CNGB3: variants seen among roughly 807,000 people sequenced by gnomAD.
CNGB3 encodes cyclic nucleotide-gated channel beta-3.
Under a neutral mutation model 92.8 loss-of-function variants are expected in CNGB3, and 86 were observed. The observed-to-expected ratio is 0.93, with a 90% confidence interval of 0.78 to 1.11. CNGB3 has a LOEUF of 1.11. Among genes scored for constraint, CNGB3 ranks in the 50% least tolerant of loss-of-function variants. CNGB3 has a pLI of 0.00. For missense variants in CNGB3, 1,026 were observed against 956.8 expected (o/e 1.07, Z -0.95); for synonymous variants, 333 against 332.7 (o/e 1.00, Z -0.01).
rs187007627 is a variant in CNGB3, at chr8:86,716,473, A to G, written c.338+10058T>C. On this transcript the variant is annotated intron_variant, in intron 3 of 17. Transcript: ENST00000320005. ...AAATCTTAAGAGCTCTGAGGCAAAA[A>G]CATCAAGTAACTTATAAAGGAAAAC... Among the ~76,000 whole-genome samples, 4 of 152,310 alleles carry G rather than the reference A, an allele frequency of 2.6e-5. No individual in the cohort carries two copies. In the East Asian group the frequency reaches 7.7e-4, roughly 29 times the overall value.
chr8:86,658,552 C>T, intron 6 of CNGB3: 1 of 343,640 alleles, frequency 2.9e-6, no homozygotes, highest in Non-Finnish European at 5.5e-6. Context: ...TTGTGGAGCT[C>T]CTTCTCATAG....
intron 14 of CNGB3, among the ~76,000 whole-genome samples, chr8:86,608,910 T>C (rs1822465073): frequency 6.6e-6 from 1 of 152,160 alleles, no homozygotes; most frequent in African/African-American, 2.4e-5. Context: ...TCTCCGCGCA[T>C]TGGTGGTAGT....
intron 3 of CNGB3, among the ~76,000 whole-genome samples, chr8:86,686,035 C>T (rs1476308444): frequency 6.6e-6 from 1 of 151,994 alleles, no homozygotes; most frequent in African/African-American, 2.4e-5. Flanking sequence ...TGGGAAAACA[C>T]TTTGAATCTT....
rs942480886 is a variant in CNGB3, at chr8:86,574,355, C to T, written c.*1449G>A. 2 of 152,160 alleles carry T rather than the reference C, an allele frequency of 1.3e-5. No individual in the cohort carries two copies. Among genetic ancestry groups the T allele is most frequent in the African/African-American group, 4.8e-5 (2 of 41,426 alleles). 9.4% of individuals were successfully genotyped at this position (152,160 alleles called of 1,614,324 possible). A position where few individuals can be genotyped will look rare whatever the true frequency, so the allele number is the denominator to read the frequency against. On this transcript the variant is annotated 3_prime_UTR_variant, in exon 18 of 18. Coordinates refer to ENST00000320005, the MANE Select transcript of CNGB3 (RefSeq NM_019098.5). ...TCACCCTTTTTATACGCAATTCACT[C>T]TTTCTGCATACAAACTCCCATTTAT...
intron 3 of CNGB3, among the ~76,000 whole-genome samples, chr8:86,700,794 C>T (rs988654781): frequency 5.3e-5 from 8 of 152,072 alleles, no homozygotes; most frequent in South Asian, 2.1e-4. Context: ...TGTGCCACCA[C>T]GCTGGCTAAT....
intron 13 of CNGB3, among the ~76,000 whole-genome samples, chr8:86,623,213 C>T (rs190512694): frequency 1.3e-4 from 20 of 152,220 alleles, no homozygotes; most frequent in Admixed American, 2.6e-4. Flanking sequence ...CCAGCTTGGA[C>T]GTCTCCCCCG....
At chr8:86,591,996 C>T (rs1023493808) in intron 15 of CNGB3, among the ~76,000 whole-genome samples, 62 of 152,338 alleles carry the variant, frequency 4.1e-4, no homozygotes, top group African/African-American at 1.3e-3. Context: ...AGCGAGACTC[C>T]GTGGGCGTAG....
intron 1 of CNGB3, among the ~76,000 whole-genome samples, chr8:86,741,438 C>T (rs987309001): frequency 7.9e-5 from 12 of 152,022 alleles, no homozygotes; most frequent in African/African-American, 2.7e-4. Context: ...ACAAGGTGGG[C>T]GGAACACCTG....
chr8:86,658,630 G>A (rs3779798), intron 6 of CNGB3: 20,245 of 342,618 alleles, frequency 0.059, 707 homozygotes, highest in South Asian at 0.088. Flanking sequence ...TACTGCTGTA[G>A]ACTCTGAGCC....
intron 13 of CNGB3, among the ~76,000 whole-genome samples, chr8:86,621,103 A>G (rs1308310510): frequency 6.6e-6 from 1 of 152,214 alleles, no homozygotes; most frequent in African/African-American, 2.4e-5. Flanking sequence ...AAGCAAAAAA[A>G]CTATGAGGCA....
At chr8:86,619,810 T>A (rs944440571) in intron 13 of CNGB3, among the ~76,000 whole-genome samples, 1 of 140,832 alleles carries the variant, frequency 7.1e-6, no homozygotes, top group Non-Finnish European at 1.5e-5. Context: ...CATGGCTCAC[T>A]GCAGCCTCAA....
Position 86,575,868 on chromosome 8 carries a change from G to A in CNGB3, c.2366C>T (p.Ala789Val). The A allele has an allele frequency of 6.2e-7, 1 of 1,613,288 alleles. No homozygotes were observed. Among genetic ancestry groups the A allele is most frequent in the Non-Finnish European group, 8.5e-7 (1 of 1,179,798 alleles). ...CTCTTCTCCGCCCTCAGCAGAAGGA[G>A]CCATGCTGATAATGAGTGATTGACG... ...TSRQSLIISMAPSAEGGEEVL... is the reference protein window; with the variant it reads ...TSRQSLIISMVPSAEGGEEVL... The change falls in exon 18 of 18, where the codon GCT becomes GTT. Residue 789 changes from alanine (A) to valine (V), a missense_variant. Physicochemically the swap from Ala to Val is moderately conservative, Grantham distance 64. Coordinates refer to ENST00000320005, the MANE Select transcript of CNGB3 (RefSeq NM_019098.5).
chr8:86,661,613 A>G (rs776657919), intron 6 of CNGB3: 129 of 804,390 alleles, frequency 1.6e-4, no homozygotes, highest in Non-Finnish European at 2.7e-4. Context: ...TTTCCCACTA[A>G]TAAGTTCTTC....
intron 3 of CNGB3, among the ~76,000 whole-genome samples, chr8:86,695,352 AT>A (rs1378091368): frequency 5.4e-5 from 5 of 92,122 alleles, no homozygotes; most frequent in Non-Finnish European, 8.1e-5. Context: ...GCCTTTGTTC[AT>A]TTTTTAAAAA....
chr8:86,732,636 G>C (rs1037894206), intron 2 of CNGB3, among the ~76,000 whole-genome samples: 1 of 152,178 alleles, frequency 6.6e-6, no homozygotes, highest in Non-Finnish European at 1.5e-5. Context: ...AAGGTGTCCT[G>C]ATTATGTCTC....
intron 17 of CNGB3, among the ~76,000 whole-genome samples, chr8:86,577,906 T>TTTGA (rs1314875536): frequency 6.6e-6 from 1 of 151,844 alleles, no homozygotes; most frequent in Non-Finnish European, 1.5e-5. Flanking sequence ...TGTTGTTGTT[T>TTTGA]TTGTTTGTTT....
chr8:86,616,398 A>C (rs1822623717), intron 13 of CNGB3, among the ~76,000 whole-genome samples: 2 of 152,186 alleles, frequency 1.3e-5, no homozygotes, highest in African/African-American at 4.8e-5. Context: ...TAGTGAAATA[A>C]AGTTTGCATT....
At chr8:86,698,632 T>C (rs189813155) in intron 3 of CNGB3, among the ~76,000 whole-genome samples, 1 of 152,352 alleles carries the variant, frequency 6.6e-6, no homozygotes, top group Non-Finnish European at 1.5e-5. Flanking sequence ...TGTGTTAAGA[T>C]ATAAATTACC....
chr8:86,574,242 T>G lies in CNGB3; in HGVS notation c.*1562A>C, dbSNP rs1821616059. 6.6e-6 allele frequency: 1 copy of G among 152,180 alleles called. No homozygotes were observed. The highest frequency in any genetic ancestry group is 1.5e-5 in the Non-Finnish European group (1 of 68,014). The allele number at this position is 152,180 out of a possible 1,614,324, so 9.4% of individuals were successfully genotyped here. A position where few individuals can be genotyped will look rare whatever the true frequency, so the allele number is the denominator to read the frequency against. Reference sequence around the variant, plus strand: ...TACAGGGTGTAAAGGGAAAGCATATTGCTCACAAGTTGAGGACTTTTGTCC... The same window carrying G: ...TACAGGGTGTAAAGGGAAAGCATATGGCTCACAAGTTGAGGACTTTTGTCC... On this transcript the variant is annotated 3_prime_UTR_variant, in exon 18 of 18. Transcript: ENST00000320005.
Sources: gnomAD v4.1 joint callset for allele counts (sites outside exome capture counted in the v4.1 genomes callset) on GRCh38, gnomAD v4.1.1 for gene constraint, MANE v1.5 for transcripts, NCBI Gene and HGNC (gene_info 2026-07-23, HGNC 2026-07-21) for gene names.